PTBP3: variants seen among roughly 807,000 people sequenced by gnomAD.
PTBP3 encodes polypyrimidine tract binding protein 3.
A neutral mutation model predicts 58.7 loss-of-function variants in PTBP3; 20 were observed. The observed-to-expected ratio is 0.34, with a 90% CI of 0.24 to 0.50. The LOEUF is 0.50. PTBP3 is among the 20% of genes least tolerant of loss of function. The pLI, the probability that PTBP3 is intolerant of heterozygous loss-of-function variation, is 0.98. For missense variants in PTBP3, 509 were observed against 637.2 expected (o/e 0.80, Z 2.17); for synonymous variants, 185 against 219.8 (o/e 0.84, Z 1.40).
chr9:112,331,574 T>C (rs535292282), intron 1 of PTBP3, among the ~76,000 whole-genome samples: 39 of 152,338 alleles, frequency 2.6e-4, no homozygotes, highest in South Asian at 4.1e-4. Context: ...TTCATTTGTC[T>C]AAAATTTAAA....
At chr9:112,319,926 A>G (rs1215265532) in intron 1 of PTBP3, among the ~76,000 whole-genome samples, 2 of 152,232 alleles carry the variant, frequency 1.3e-5, no homozygotes, top group African/African-American at 4.8e-5. Context: ...CCAGGCGCAG[A>G]AAGTCAAATG....
intron 1 of PTBP3, among the ~76,000 whole-genome samples, chr9:112,332,374 G>A (rs1830410154): frequency 2.2e-5 from 1 of 45,074 alleles, no homozygotes; most frequent in African/African-American, 2.1e-4. Context: ...AAAGCTGTTG[G>A]AAGATTTCAT....
At position 112,220,298 on chromosome 9, in the gene PTBP3, G is replaced by A. The variant is rs1425842947; in HGVS notation, c.*3553C>T. The A allele has an allele frequency of 1.6e-5, 21 of 1,315,464 alleles. No homozygotes were observed. The highest frequency in any genetic ancestry group is 4.9e-5 in the East Asian group (1 of 20,252). 81.5% of individuals were successfully genotyped at this position (1,315,464 alleles called of 1,614,324 possible). On this transcript the variant is annotated 3_prime_UTR_variant, in exon 14 of 14. Transcript: ENST00000374257. ...AAAGAACAGAGAGCCAGGCGTGGTG[G>A]CTCATGCCTGTAATCCCAGCACTGT...
chr9:112,310,576 G>A (rs185603302), intron 1 of PTBP3, among the ~76,000 whole-genome samples: 3 of 152,232 alleles, frequency 2.0e-5, no homozygotes, highest in African/African-American at 7.2e-5. Flanking sequence ...CACTGGGGAA[G>A]ATTAGGGAAC....
At chr9:112,276,478 A>G (rs1564426363) in intron 2 of PTBP3, among the ~76,000 whole-genome samples, 1 of 152,138 alleles carries the variant, frequency 6.6e-6, no homozygotes, top group East Asian at 1.9e-4. Context: ...TTTGAATTGT[A>G]TATTTATTAA....
the PTBP3 span, among the ~76,000 whole-genome samples, chr9:112,366,281 CA>C: frequency 9.5e-5 from 14 of 147,816 alleles, no homozygotes; most frequent in East Asian, 5.9e-4. Context: ...GACTCTGTCT[CA>C]AAAAAAAAAA....
intron 3 of PTBP3, among the ~76,000 whole-genome samples, chr9:112,272,123 C>T (rs1267731015): frequency 2.0e-5 from 3 of 151,782 alleles, no homozygotes; most frequent in African/African-American, 4.8e-5. Context: ...ACCGCAGTGG[C>T]GTGATCTCAG....
intron 1 of PTBP3, among the ~76,000 whole-genome samples, chr9:112,316,171 T>A (rs778177233): frequency 6.6e-6 from 1 of 152,128 alleles, no homozygotes; most frequent in Non-Finnish European, 1.5e-5. Flanking sequence ...ACTTCTAAGG[T>A]GGTGCCAAAT....
intron 6 of PTBP3, 189 bp downstream of exon 6, chr9:112,252,489 T>A: frequency 1.8e-6 from 1 of 566,358 alleles, no homozygotes. Context: ...TGAGACCGTT[T>A]CATATGAAGT....
chr9:112,242,206 A>G (rs1835686909), intron 7 of PTBP3, among the ~76,000 whole-genome samples: 1 of 152,060 alleles, frequency 6.6e-6, no homozygotes, highest in Non-Finnish European at 1.5e-5. Flanking sequence ...AGGCTTGATT[A>G]GAGCACACTC....
chr9:112,223,538 C>T lies in PTBP3; in HGVS notation c.*313G>A, dbSNP rs2131937091. On this transcript the variant is annotated 3_prime_UTR_variant, in exon 14 of 14. Transcript: ENST00000374257. The stretch of plus-strand genomic sequence containing the variant: ...AGGCTGATCTGGACCCAAACTAAAA[C>T]AACGTTAATCCTCTTCAAATCTAAT... 1 of 966,956 alleles carries T rather than the reference C, an allele frequency of 1.0e-6. No individual in the cohort carries two copies. The highest frequency in any genetic ancestry group is 3.7e-5 in the South Asian group (1 of 27,322). 59.9% of individuals were successfully genotyped at this position (966,956 alleles called of 1,614,324 possible).
intron 1 of PTBP3, among the ~76,000 whole-genome samples, chr9:112,305,647 A>G (rs752193057): frequency 3.9e-5 from 6 of 152,146 alleles, no homozygotes; most frequent in Admixed American, 6.5e-5. Flanking sequence ...TGCTGTGAGT[A>G]TAAGAGCTTT....
chr9:112,277,909 AAC>A lies in PTBP3; in HGVS notation c.35-1898_35-1897del, dbSNP rs1307859071. ...AACATAACATAACATAACATAACATAACATAACATAACATAACATAACATAAC... is the reference window on the plus strand; with the variant it reads ...AACATAACATAACATAACATAACATAATAACATAACATAACATAACATAAC... On this transcript the variant is annotated intron_variant, in intron 2 of 13. Coordinates refer to ENST00000374257, the MANE Select transcript of PTBP3 (RefSeq NM_001163788.4). Among the ~76,000 whole-genome samples, 1,007 of 124,234 alleles carry A rather than the reference AAC, an allele frequency of 8.1e-3. 12 individuals are homozygous for A. Among genetic ancestry groups the A allele is most frequent in the Admixed American group, 0.012 (141 of 11,806 alleles). The allele number at this position is 124,234 out of a possible 152,430, so 81.5% of individuals were successfully genotyped here.
intron 1 of PTBP3, among the ~76,000 whole-genome samples, chr9:112,311,680 G>A (rs1325882186): frequency 6.6e-6 from 1 of 152,326 alleles, no homozygotes; most frequent in East Asian, 1.9e-4. Flanking sequence ...CAGGCACAGT[G>A]TATCAGGCCT....
intron 1 of PTBP3, chr9:112,332,920 G>T: frequency 6.4e-7 from 1 of 1,557,336 alleles, no homozygotes; most frequent in Non-Finnish European, 8.7e-7. Flanking sequence ...CCTCGGCCAA[G>T]TCCCGCGGCG....
At chr9:112,314,054 T>C (rs1829599592) in intron 1 of PTBP3, among the ~76,000 whole-genome samples, 2 of 152,170 alleles carry the variant, frequency 1.3e-5, no homozygotes, top group South Asian at 2.1e-4. Flanking sequence ...TTCTAAGTAA[T>C]CTAGAGGTGA....
In PTBP3 at chr9:112,302,441, T is replaced by C. The variant is rs148930855; in HGVS notation, c.-51-4525A>G. 1.1e-3 allele frequency among the ~76,000 whole-genome samples: 173 copies of C among 152,096 alleles called. 3 individuals carry two copies. In the East Asian group the frequency reaches 0.029, roughly 25 times the overall value. The stretch of plus-strand genomic sequence containing the variant: ...TTTCATATTTTTGACATAAAAAAAC[T>C]GGAAAGAAGAAATGTACAGGAAAGC... On this transcript the variant is annotated intron_variant, in intron 1 of 13. Transcript: ENST00000374257.
At chr9:112,370,361 G>T in the PTBP3 span, among the ~76,000 whole-genome samples, 70 of 152,238 alleles carry the variant, frequency 4.6e-4, no homozygotes, top group African/African-American at 1.7e-3. Flanking sequence ...GGACAACATG[G>T]CAAAACCCTA....
At chr9:112,282,782 C>T (rs1311359188) in intron 2 of PTBP3, among the ~76,000 whole-genome samples, 2 of 151,974 alleles carry the variant, frequency 1.3e-5, no homozygotes, top group Admixed American at 6.6e-5. Flanking sequence ...TTTTAGGACC[C>T]GGATACAGCC....
Sources: allele counts gnomAD v4.1 joint callset (sites outside exome capture counted in the v4.1 genomes callset), GRCh38; gene constraint gnomAD v4.1.1; transcripts MANE v1.5; gene names NCBI Gene and HGNC (gene_info 2026-07-23, HGNC 2026-07-21).